HAL: variants seen among roughly 807,000 people sequenced by gnomAD.
The protein encoded by HAL is histidase.
Under a neutral mutation model 81.1 loss-of-function variants are expected in HAL, and 85 were observed. The ratio of observed to expected loss-of-function variants is 1.05; its 90% CI spans 0.88 to 1.25. The LOEUF is 1.25. HAL is among the 50% of genes most tolerant of loss of function. HAL has a pLI of 0.00. For missense variants in HAL, 798 were observed against 836.6 expected, an observed-to-expected ratio of 0.95 and a Z score of 0.57; for synonymous variants, 301 against 309.2, an observed-to-expected ratio of 0.97 and a Z score of 0.28.
At position 95,980,838 on chromosome 12, in the gene HAL, G is replaced by C. The variant is rs779946154; in HGVS notation, c.1313C>G (p.Thr438Arg). The C allele has an allele frequency of 3.2e-6, 5 of 1,580,192 alleles. No individual in the cohort carries two copies. The highest frequency in any genetic ancestry group is 2.2e-5 in the East Asian group (1 of 44,656). Residue 438 changes from threonine to arginine, a missense_variant, in exon 16 of 21, where the codon ACA becomes AGA. By Grantham distance (71) the Thr-to-Arg change is moderately conservative. Coordinates refer to ENST00000261208, the MANE Select transcript of HAL (RefSeq NM_002108.4). ...NPMVFANRGE[T>R]VSGGNFHGEY... ...ACCATGGAAGTTTCCTCCAGAAACT[G>C]TCTCTCCCCTATTGGCAAAGACCAT...
At chr12:95,988,070 G>T (rs1005876823) in intron 11 of HAL, 123 bp downstream of exon 11, 1 of 723,984 alleles carries the variant, frequency 1.4e-6, no homozygotes, top group Non-Finnish European at 2.5e-6. Context: ...CTTCTTCAGG[G>T]ATGAACTTTA....
intron 14 of HAL, among the ~76,000 whole-genome samples, chr12:95,985,642 AAAAAAG>A (rs1480101649): frequency 6.6e-6 from 1 of 151,494 alleles, no homozygotes; most frequent in African/African-American, 2.4e-5. Flanking sequence ...AAAAAAAAAA[AAAAAAG>A]AGGTTGTCCT....
intron 11 of HAL, 104 bp downstream of exon 11, chr12:95,988,089 T>C (rs1184548300): frequency 5.2e-5 from 39 of 754,340 alleles, no homozygotes; most frequent in South Asian, 4.9e-4. Context: ...TAAGCAAACA[T>C]GCAAGTTGCA....
chr12:95,974,116 C>T lies in HAL; in HGVS notation c.*116G>A. ...CTAACCAACGTAGGCTTTAGAAGAA[C>T]TGAATGATACAATGGATTGATCTAC... On this transcript the variant is annotated 3_prime_UTR_variant, in exon 21 of 21. Coordinates refer to ENST00000261208, the MANE Select transcript of HAL (RefSeq NM_002108.4). The T allele has an allele frequency of 1.1e-6, 1 of 922,296 alleles. No homozygotes were observed. Among genetic ancestry groups the T allele is most frequent in the South Asian group, 1.3e-5 (1 of 76,764 alleles). The allele number at this position is 922,296 out of a possible 1,614,324, so 57.1% of individuals were successfully genotyped here.
In HAL at chr12:95,994,104, G is replaced by A. The variant is rs747932603; in HGVS notation, c.397C>T (p.Arg133Cys). The change falls in exon 5 of 21, where the codon CGC becomes TGC. Residue 133 changes from arginine (R) to cysteine (C), a missense_variant. Coordinates refer to ENST00000261208, the MANE Select transcript of HAL (RefSeq NM_002108.4). ...CCTCCCCATACCTTTATTTTGTAGC[G>A]TCCCTTTCCCAAGTTGACCAGATCC... is the stretch of plus-strand genomic sequence containing the variant. ...TEDLVNLGKGRYKIKLTPTAE... is the reference protein window; with the variant it reads ...TEDLVNLGKGCYKIKLTPTAE... 48 of 1,612,416 alleles carry A rather than the reference G, an allele frequency of 3.0e-5. No individual in the cohort carries two copies. The highest frequency in any genetic ancestry group is 3.3e-4 in the Middle Eastern group (2 of 6,080).
intron 10 of HAL, chr12:95,990,161 GC>G (rs1381711581): frequency 6.9e-6 from 4 of 581,814 alleles, no homozygotes; most frequent in Non-Finnish European, 1.2e-5. Context: ...TAGCAGTTAT[GC>G]CTTTTCACCA....
intron 9 of HAL, among the ~76,000 whole-genome samples, chr12:95,990,737 G>T (rs559293042): frequency 6.6e-6 from 1 of 152,290 alleles, no homozygotes; most frequent in East Asian, 1.9e-4. Flanking sequence ...AGAAAAAGAG[G>T]AGTGGGGGTG....
At chr12:95,981,939 T>C (rs2080799969) in intron 15 of HAL, among the ~76,000 whole-genome samples, 1 of 152,214 alleles carries the variant, frequency 6.6e-6, no homozygotes, top group South Asian at 2.1e-4. Flanking sequence ...TTTGAAAGAG[T>C]TAGAGATGTA....
At chr12:95,990,881 G>A (rs1280031393) in intron 9 of HAL, among the ~76,000 whole-genome samples, 1 of 152,136 alleles carries the variant, frequency 6.6e-6, no homozygotes, top group Admixed American at 6.5e-5. Context: ...AGGCCGAGGC[G>A]GGCATATCAC....
At chr12:95,986,323 A>AT (rs367965613) in intron 12 of HAL, among the ~76,000 whole-genome samples, 163 bp from the exon 13 acceptor site, 11 of 152,252 alleles carry the variant, frequency 7.2e-5, no homozygotes, top group African/African-American at 2.4e-4. Context: ...ATGAGCCACC[A>AT]TGCCAGGTCG....
intron 15 of HAL, among the ~76,000 whole-genome samples, chr12:95,983,207 G>A (rs886090834): frequency 1.3e-5 from 2 of 152,138 alleles, no homozygotes; most frequent in South Asian, 4.1e-4. Context: ...GGCCAACACA[G>A]CAAAACCCTG....
chr12:95,976,671 TGCCCTGGCAG>T lies in HAL; in HGVS notation c.1680_1689del (p.Cys561Ter). 6.2e-7 allele frequency: 1 copy of T among 1,613,086 alleles called. No homozygotes were observed. The highest frequency in any genetic ancestry group is 1.1e-5 in the South Asian group (1 of 91,068). On this transcript the variant is annotated frameshift_variant, in exon 19 of 21. Coordinates refer to ENST00000261208, the MANE Select transcript of HAL (RefSeq NM_002108.4). LOFTEE classifies it high-confidence loss of function. Reference sequence around the variant, plus strand: ...GTTTTCAGGGGACGTAGAAACTCTATGCCCTGGCAGGCTGCAAGGAGCTCGATGGCCAGCA... The same window carrying T: ...GTTTTCAGGGGACGTAGAAACTCTATGCTGCAAGGAGCTCGATGGCCAGCA...
chr12:95,995,889 C>T lies in HAL; in HGVS notation c.22G>A (p.Val8Ile), dbSNP rs377492001. The change falls in exon 2 of 21, where the codon GTA (valine) becomes ATA (isoleucine). Residue 8 changes from valine (V) to isoleucine (I), a missense_variant. By Grantham distance (29) the Val-to-Ile change is conservative. Transcript: ENST00000261208. ...GGCACTGCCAGCCATTCCCCACGTA[C>T]GTGCACCGTGTATCTGGGCATGGCT... MPRYTVH[V>I]RGEWLAVPCQ... 2.6e-5 allele frequency: 42 copies of T among 1,605,498 alleles called. No homozygotes were observed. The African/African-American group carries it at 2.8e-4, about 11-fold the overall frequency.
At chr12:95,988,143 A>G in intron 11 of HAL, 50 bp downstream of exon 11, 2 of 880,518 alleles carry the variant, frequency 2.3e-6, no homozygotes, top group Non-Finnish European at 3.9e-6. Context: ...AAAATACTGC[A>G]TAAATAAAAA....
chr12:95,983,838 G>A, intron 15 of HAL, 73 bp downstream of exon 15: 3 of 823,572 alleles, frequency 3.6e-6, no homozygotes, highest in Non-Finnish European at 4.3e-6. Flanking sequence ...TACACAAAAT[G>A]ATTGTTTCAG....
chr12:95,976,650 T>G lies in HAL; in HGVS notation c.1711A>C (p.Lys571Gln), dbSNP rs369729855. Reference protein sequence around the residue: ...CQGIEFLRPLKTTTPLEKVYD... With the variant: ...CQGIEFLRPLQTTTPLEKVYD... ...ACCTTCTCCAGCGGAGTGGTTGTTT[T>G]CAGGGGACGTAGAAACTCTATGCCC... is the stretch of plus-strand genomic sequence containing the variant. The change falls in exon 19 of 21, where the codon AAA (lysine) becomes CAA (glutamine). Residue 571 changes from lysine to glutamine, a missense_variant. By Grantham distance (53) the Lys-to-Gln change is moderately conservative. Transcript: ENST00000261208. 6.8e-6 allele frequency: 11 copies of G among 1,613,544 alleles called. No homozygotes were observed. In the African/African-American group the frequency reaches 1.2e-4, roughly 18 times the overall value.
In HAL at chr12:95,976,617, G is replaced by C; in HGVS notation, c.1744C>G (p.Leu582Val). The C allele has an allele frequency of 6.2e-7, 1 of 1,609,510 alleles. No homozygotes were observed. The highest frequency in any genetic ancestry group is 1.3e-5 in the African/African-American group (1 of 74,960). Residue 582 changes from leucine (L) to valine (V), a missense_variant, in exon 19 of 21, where the codon CTG becomes GTG. Coordinates refer to ENST00000261208, the MANE Select transcript of HAL (RefSeq NM_002108.4). ...TTTPLEKVYDLVRSVVRPWIK... is the reference protein window; with the variant it reads ...TTTPLEKVYDVVRSVVRPWIK... The stretch of plus-strand genomic sequence containing the variant: ...TCTTACCTTACAACAGAGCGCACCA[G>C]GTCATAGACCTTCTCCAGCGGAGTG...
intron 9 of HAL, among the ~76,000 whole-genome samples, chr12:95,992,178 A>G (rs1949978321): frequency 6.6e-6 from 1 of 152,238 alleles, no homozygotes; most frequent in Non-Finnish European, 1.5e-5. Context: ...CTTCTTGATT[A>G]CAAGGGAGTC....
intron 14 of HAL, among the ~76,000 whole-genome samples, chr12:95,984,435 T>C (rs1949851863): frequency 6.6e-6 from 1 of 152,226 alleles, no homozygotes. Flanking sequence ...TCGCAGAGAT[T>C]ACTCAAATGG....
Sources: gnomAD v4.1 joint callset for allele counts (sites outside exome capture counted in the v4.1 genomes callset) on GRCh38, gnomAD v4.1.1 for gene constraint, MANE v1.5 for transcripts, NCBI Gene and HGNC (gene_info 2026-07-23, HGNC 2026-07-21) for gene names.